MYH13: variants seen among roughly 807,000 people sequenced by gnomAD.
The protein encoded by MYH13 is myosin heavy chain 13, also known as myosin-13.
MYH13 carries 177 observed loss-of-function variants against 232.1 expected under a neutral mutation model. The ratio of observed to expected loss-of-function variants is 0.76; its 90% CI spans 0.67 to 0.86. MYH13 has a LOEUF of 0.86. Ranked by LOEUF, MYH13 falls within the 40% of genes least tolerant of loss-of-function variation. The pLI, the probability that MYH13 is intolerant of heterozygous loss-of-function variation, is 0.00. For synonymous variants in MYH13, 884 were observed against 923.5 expected (o/e 0.96, Z 0.78); for missense variants, 2,246 against 2,405.9 (o/e 0.93, Z 1.39).
In MYH13 at chr17:10,311,682, C is replaced by T. The variant is rs190731203; in HGVS notation, c.4531+229G>A. Among the ~76,000 whole-genome samples, 44 of 152,300 alleles carry T rather than the reference C, an allele frequency of 2.9e-4. No individual in the cohort carries two copies. The East Asian group carries it at 7.3e-3, about 25-fold the overall frequency. Reference sequence around the variant, plus strand: ...GTCTTCTCTAACGGAGCAGTGGGCTCAGCAACCCACTGTTCCTTCAGTTCT... The same window carrying T: ...GTCTTCTCTAACGGAGCAGTGGGCTTAGCAACCCACTGTTCCTTCAGTTCT... On this transcript the variant is annotated intron_variant, in intron 32 of 40. Transcript: ENST00000252172.
Position 10,309,187 on chromosome 17 carries a change from A to G in MYH13, c.5169+47T>C, listed in dbSNP as rs1906398386. On this transcript the variant is annotated intron_variant, in intron 35 of 40. Coordinates refer to ENST00000252172, the MANE Select transcript of MYH13 (RefSeq NM_003802.3). Reference sequence around the variant, plus strand: ...GCAGCTGCACGGTGCAGGAGGCGCTATCTGCCCCAGGGTGGACCTTCAGCG... The same window carrying G: ...GCAGCTGCACGGTGCAGGAGGCGCTGTCTGCCCCAGGGTGGACCTTCAGCG... The G allele has an allele frequency of 1.9e-6, 3 of 1,580,114 alleles. No individual in the cohort carries two copies. The African/African-American group carries it at 4.0e-5, about 21-fold the overall frequency.
intron 12 of MYH13, among the ~76,000 whole-genome samples, chr17:10,348,865 GT>G (rs943805483): frequency 6.6e-6 from 1 of 152,018 alleles, no homozygotes; most frequent in African/African-American, 2.4e-5. Flanking sequence ...TGCAAAAATT[GT>G]TACTTTAAAA....
chr17:10,311,809 G>T, intron 32 of MYH13, 102 bp downstream of exon 32: 1 of 1,338,724 alleles, frequency 7.5e-7, no homozygotes, highest in Non-Finnish European at 1.0e-6. Context: ...ATCGTGTGGG[G>T]CAGTGGGAAG....
At chr17:10,329,856 C>T (rs1281279588) in intron 21 of MYH13, among the ~76,000 whole-genome samples, 2 of 152,062 alleles carry the variant, frequency 1.3e-5, no homozygotes, top group East Asian at 1.9e-4. Flanking sequence ...ACAAAATAGC[C>T]GGGCGTGGTG....
At chr17:10,338,479 T>C (rs557992630) in intron 18 of MYH13, among the ~76,000 whole-genome samples, 32 of 151,532 alleles carry the variant, frequency 2.1e-4, no homozygotes, top group Non-Finnish European at 4.1e-4. Context: ...TGAGTGATAA[T>C]AATAATAATA....
chr17:10,319,155 C>A lies in MYH13; in HGVS notation c.3373G>T (p.Glu1125Ter). ...LQARIEELEE[E>*]IEAEHTLRAK... ...CTGAGCGTGTGTTCCGCTTCAATTTCCTCCTCCAGCTCTTCTATGCGGGCC... is the reference window on the plus strand; with the variant it reads ...CTGAGCGTGTGTTCCGCTTCAATTTACTCCTCCAGCTCTTCTATGCGGGCC... The change falls in exon 27 of 41, where the codon GAA becomes TAA. Residue 1125 changes from glutamate to a stop codon, truncating the protein, a stop_gained. Coordinates refer to ENST00000252172, the MANE Select transcript of MYH13 (RefSeq NM_003802.3). LOFTEE classifies it high-confidence loss of function. 6.2e-7 allele frequency: 1 copy of A among 1,614,020 alleles called. No homozygotes were observed.
Position 10,359,998 on chromosome 17 carries a change from C to T in MYH13, c.607G>A (p.Gly203Arg), listed in dbSNP as rs779595380. Residue 203 changes from glycine (G) to arginine (R), a missense_variant, in exon 7 of 41, where the codon GGG becomes AGG. By Grantham distance (125) the Gly-to-Arg change is moderately radical. Coordinates refer to ENST00000252172, the MANE Select transcript of MYH13 (RefSeq NM_003802.3). ...IQYFATIAVT[G>R]DKKKETQPGK... ...GGCTGTGTCTCCTTCTTCTTGTCCC[C>T]GGTAACTGCAATTGTTGCAAAATAC... 41 of 1,613,936 alleles carry T rather than the reference C, an allele frequency of 2.5e-5. No homozygotes were observed. The East Asian group carries it at 3.6e-4, about 14-fold the overall frequency.
At chr17:10,338,689 G>GTTTTTTTTTTTTTTTTTTT (rs757791680) in intron 18 of MYH13, among the ~76,000 whole-genome samples, 55 of 108,762 alleles carry the variant, frequency 5.1e-4, no homozygotes, top group Non-Finnish European at 8.9e-4. Context: ...TTTTATCCTT[G>GTTTTTTTTTTTTTTTTTTT]TTTTTTTTTT....
In MYH13 at chr17:10,325,639, A is replaced by G. The variant is rs566694816; in HGVS notation, c.2692-1375T>C. ...GACCAAGATCAGCTACTTCTGTTCT[A>G]AATCGGGCTATATCTTCCCATATAA... On this transcript the variant is annotated intron_variant, in intron 22 of 40. Coordinates refer to ENST00000252172, the MANE Select transcript of MYH13 (RefSeq NM_003802.3). Among the ~76,000 whole-genome samples the G allele has an allele frequency of 2.6e-5, 4 of 152,352 alleles. No homozygotes were observed. In the East Asian group the frequency reaches 7.7e-4, roughly 29 times the overall value.
intron 15 of MYH13, 71 bp downstream of exon 15, chr17:10,345,130 GA>G: frequency 6.2e-7 from 1 of 1,612,234 alleles, no homozygotes; most frequent in South Asian, 1.1e-5. Flanking sequence ...TCTGTGAGCA[GA>G]AAAGAATCAG....
intron 7 of MYH13, among the ~76,000 whole-genome samples, chr17:10,359,682 T>C (rs943069710): frequency 3.3e-5 from 5 of 152,126 alleles, no homozygotes; most frequent in African/African-American, 1.2e-4. Context: ...CCTTAACTTG[T>C]GTGATTTGAT....
In MYH13 at chr17:10,343,968, C is replaced by T. The variant is rs2071639421; in HGVS notation, c.1726G>A (p.Glu576Lys). 1.9e-6 allele frequency: 3 copies of T among 1,614,114 alleles called. No individual in the cohort carries two copies. In the Admixed American group the frequency reaches 5.0e-5, roughly 27 times the overall value. Residue 576 changes from glutamate to lysine, a missense_variant, in exon 16 of 41, where the codon GAG (glutamate) becomes AAG (lysine). Glu to Lys is a moderately conservative substitution (Grantham distance 56). Transcript: ENST00000252172. ...TAGTGCACCAGCGAGAAGTGAGCCT[C>T]AGCCTTGCCTTTGGCAGGCTTGGGC... Reference protein sequence around the residue: ...QKPKPAKGKAEAHFSLVHYAG... With the variant: ...QKPKPAKGKAKAHFSLVHYAG...
At chr17:10,313,467 C>T (rs1345333987) in intron 29 of MYH13, 113 bp from the exon 30 acceptor site, 1 of 1,503,436 alleles carries the variant, frequency 6.7e-7, no homozygotes, top group Non-Finnish European at 8.9e-7. Context: ...CTGTCTTCAC[C>T]AATTTTGCCA....
Position 10,318,992 on chromosome 17 carries a change from C to T in MYH13, c.3536G>A (p.Arg1179His), listed in dbSNP as rs369467746. ...CAGGGTGGCCTCCTCCAGGTCCCTG[C>T]GCATTTTCTGGAACTCAGCCTCCCT... ...KKREAEFQKM[R>H]RDLEEATLQH... is the part of the protein sequence containing the mutation. The change falls in exon 27 of 41, where the codon CGC becomes CAC. Residue 1179 changes from arginine (R) to histidine (H), a missense_variant. Arg to His is a conservative substitution (Grantham distance 29). Coordinates refer to ENST00000252172, the MANE Select transcript of MYH13 (RefSeq NM_003802.3). The T allele has an allele frequency of 2.0e-5, 33 of 1,614,002 alleles. No individual in the cohort carries two copies. Among genetic ancestry groups the T allele is most frequent in the Middle Eastern group, 3.3e-4 (2 of 6,084 alleles).
chr17:10,366,381 G>GTTTTTTTTTTTTTT (rs56798899), intron 2 of MYH13, among the ~76,000 whole-genome samples: 2,431 of 112,466 alleles, frequency 0.022, 260 homozygotes, highest in Non-Finnish European at 0.037. Context: ...AAATAAATCT[G>GTTTTTTTTTTTTTT]TTTTTTTTTT....
chr17:10,339,501 G>C (rs1012028504), intron 18 of MYH13, among the ~76,000 whole-genome samples: 3 of 152,192 alleles, frequency 2.0e-5, no homozygotes, highest in Non-Finnish European at 4.4e-5. Context: ...ATGCAGTATG[G>C]CTTCAAACAG....
intron 18 of MYH13, among the ~76,000 whole-genome samples, chr17:10,338,689 G>GTTTTTTTTTTTTTTTTTTTTTTTTTTT (rs757791680): frequency 9.2e-6 from 1 of 108,816 alleles, no homozygotes; most frequent in Non-Finnish European, 1.9e-5. Flanking sequence ...TTTTATCCTT[G>GTTTTTTTTTTTTTTTTTTTTTTTTTTT]TTTTTTTTTT....
chr17:10,323,872 TG>T, intron 23 of MYH13, 149 bp downstream of exon 23: 1 of 952,422 alleles, frequency 1.0e-6, no homozygotes, highest in Non-Finnish European at 1.5e-6. Flanking sequence ...CAGAACTTGT[TG>T]GGACTTAACT....
In MYH13 at chr17:10,313,182, C is replaced by T. The variant is rs752124917; in HGVS notation, c.4157G>A (p.Arg1386His). 45 of 1,614,036 alleles carry T rather than the reference C, an allele frequency of 2.8e-5. No individual in the cohort carries two copies. The highest frequency in any genetic ancestry group is 1.8e-4 in the Admixed American group (11 of 59,998). The change falls in exon 30 of 41, where the codon CGC (arginine) becomes CAC (histidine). Residue 1386 changes from arginine to histidine, a missense_variant. Physicochemically the swap from Arg to His is conservative, Grantham distance 29. Coordinates refer to ENST00000252172, the MANE Select transcript of MYH13 (RefSeq NM_003802.3). Reference protein sequence around the residue: ...RTKYETDAIQRTEELEEAKKK... With the variant: ...RTKYETDAIQHTEELEEAKKK... The stretch of plus-strand genomic sequence containing the variant: ...CTTGGCCTCCTCCAGCTCCTCTGTG[C>T]GCTGAATGGCGTCCGTCTCGTATTT...
Sources: gnomAD v4.1 joint callset for allele counts (sites outside exome capture counted in the v4.1 genomes callset) on GRCh38, gnomAD v4.1.1 for gene constraint, MANE v1.5 for transcripts, NCBI Gene and HGNC (gene_info 2026-07-23, HGNC 2026-07-21) for gene names.